P3H2: variants seen among roughly 807,000 people sequenced by gnomAD.
P3H2 encodes the protein prolyl 3-hydroxylase 2, also known as leprecan-like 1.
In P3H2, 80 loss-of-function variants were observed where a neutral mutation model predicts 87.0. The ratio of observed to expected loss-of-function variants is 0.92; its 90% CI spans 0.77 to 1.11. The LOEUF (loss-of-function observed/expected upper bound fraction) is 1.11, where lower values mean the gene tolerates loss of function less well. Ranked by LOEUF, P3H2 falls within the 50% of genes least tolerant of loss-of-function variation. P3H2 has a pLI of 0.00. For synonymous variants in P3H2, 367 were observed against 359.3 expected, an observed-to-expected ratio of 1.02 and a Z score of -0.24; for missense variants, 1,001 against 923.9, an observed-to-expected ratio of 1.08 and a Z score of -1.08.
intron 1 of P3H2, among the ~76,000 whole-genome samples, chr3:190,088,892 C>T (rs542050808): frequency 1.3e-5 from 2 of 152,256 alleles, no homozygotes; most frequent in South Asian, 2.1e-4. Flanking sequence ...TGGAATATAG[C>T]GTGTTCGACC....
intron 1 of P3H2, among the ~76,000 whole-genome samples, chr3:190,045,954 T>C (rs1451679766): frequency 6.6e-6 from 1 of 151,866 alleles, no homozygotes; most frequent in African/African-American, 2.4e-5. Context: ...ACCCCGTCTC[T>C]AAAAATAAAA....
At chr3:189,978,407 T>G (rs1419903450) in intron 8 of P3H2, among the ~76,000 whole-genome samples, 5 of 152,200 alleles carry the variant, frequency 3.3e-5, no homozygotes, top group Non-Finnish European at 7.3e-5. Flanking sequence ...CTGTGTTAAG[T>G]TCTGATTGAG....
chr3:190,087,645 AT>A (rs1727273306), intron 1 of P3H2, among the ~76,000 whole-genome samples: 1 of 151,948 alleles, frequency 6.6e-6, no homozygotes, highest in South Asian at 2.1e-4. Context: ...GGAAGTCAGT[AT>A]TTGAATACGA....
chr3:190,099,703 T>C (rs370927109), intron 1 of P3H2, among the ~76,000 whole-genome samples: 3 of 152,368 alleles, frequency 2.0e-5, no homozygotes, highest in African/African-American at 7.2e-5. Context: ...GCTTTATTCA[T>C]AGAAAAAAGA....
intron 1 of P3H2, among the ~76,000 whole-genome samples, chr3:190,104,696 C>T (rs185628186): frequency 1.3e-3 from 197 of 152,122 alleles, no homozygotes; most frequent in Non-Finnish European, 2.5e-3. Flanking sequence ...ATTCCTAGCA[C>T]GGATGTCCTG....
intron 1 of P3H2, among the ~76,000 whole-genome samples, chr3:190,016,265 T>C (rs890432513): frequency 6.6e-6 from 1 of 152,188 alleles, no homozygotes; most frequent in Non-Finnish European, 1.5e-5. Context: ...ATTTTTGAGA[T>C]GGAGTTTCAC....
intron 1 of P3H2, among the ~76,000 whole-genome samples, chr3:190,063,341 C>G (rs1444050292): frequency 1.3e-5 from 2 of 152,106 alleles, no homozygotes; most frequent in African/African-American, 4.8e-5. Context: ...TGTCAGCATT[C>G]CACAGGCAAA....
intron 1 of P3H2, among the ~76,000 whole-genome samples, chr3:190,017,810 G>T (rs1289742589): frequency 1.3e-5 from 2 of 152,128 alleles, no homozygotes; most frequent in East Asian, 3.9e-4. Flanking sequence ...CTGACTTTTT[G>T]ATTAAAGCCA....
intron 1 of P3H2, among the ~76,000 whole-genome samples, chr3:190,037,070 T>C (rs1725448425): frequency 6.6e-6 from 1 of 152,118 alleles, no homozygotes; most frequent in African/African-American, 2.4e-5. Context: ...TCTGCAAATA[T>C]TTTATAGTTT....
intron 1 of P3H2, among the ~76,000 whole-genome samples, chr3:190,027,237 C>T (rs773263121): frequency 3.9e-5 from 6 of 152,198 alleles, no homozygotes; most frequent in Admixed American, 6.5e-5. Flanking sequence ...ACTAAATCTC[C>T]GCCACTTAGC....
intron 7 of P3H2, chr3:189,983,362 C>G: frequency 1.8e-6 from 1 of 552,656 alleles, no homozygotes; most frequent in Middle Eastern, 4.9e-4. Flanking sequence ...TCTTAGCAAC[C>G]TTTATTACAA....
At chr3:189,977,661 C>A (rs545705996) in intron 8 of P3H2, among the ~76,000 whole-genome samples, 4 of 152,210 alleles carry the variant, frequency 2.6e-5, no homozygotes, top group African/African-American at 7.2e-5. Context: ...GCAGTGGCAC[C>A]ACCATCATGG....
intron 8 of P3H2, among the ~76,000 whole-genome samples, chr3:189,979,188 C>T (rs1723447741): frequency 6.6e-6 from 1 of 152,080 alleles, no homozygotes; most frequent in Non-Finnish European, 1.5e-5. Flanking sequence ...CTTTGGGAGG[C>T]TGAGGCGAGC....
intron 1 of P3H2, among the ~76,000 whole-genome samples, chr3:190,087,459 G>A (rs1041099853): frequency 3.3e-5 from 5 of 150,868 alleles, no homozygotes; most frequent in Admixed American, 2.0e-4. Context: ...CAGGAGAATG[G>A]CGTGAACCTG....
chr3:189,962,450 T>C lies in P3H2; in HGVS notation c.2034+1508A>G, dbSNP rs981824801. ...TAGGCCTCCAAAAGTGCAGGGATTA[T>C]AGGCGTGAGCCACCACGCCCAGCCA... On this transcript the variant is annotated intron_variant, in intron 14 of 14. Coordinates refer to ENST00000319332, the MANE Select transcript of P3H2 (RefSeq NM_018192.4). 3.9e-5 allele frequency among the ~76,000 whole-genome samples: 6 copies of C among 152,180 alleles called. No homozygotes were observed. In the East Asian group the frequency reaches 1.2e-3, roughly 29 times the overall value.
At chr3:190,077,808 A>G (rs192705435) in intron 1 of P3H2, among the ~76,000 whole-genome samples, 19 of 152,256 alleles carry the variant, frequency 1.2e-4, no homozygotes, top group Non-Finnish European at 1.8e-4. Flanking sequence ...AAAAGTCACT[A>G]CTCACTTAAG....
At position 190,016,792 on chromosome 3, in the gene P3H2, G is replaced by A. The variant is rs1472522401; in HGVS notation, c.481-21350C>T. Among the ~76,000 whole-genome samples the A allele has an allele frequency of 3.3e-5, 5 of 152,070 alleles. No homozygotes were observed. In the East Asian group the frequency reaches 7.7e-4, roughly 23 times the overall value. On this transcript the variant is annotated intron_variant, in intron 1 of 14. Transcript: ENST00000319332. ...TGCAGAGTTCTGTCAATTGTCCCATGACCCCCTTCTTGCACGCATTCAGCA... is the reference window on the plus strand; with the variant it reads ...TGCAGAGTTCTGTCAATTGTCCCATAACCCCCTTCTTGCACGCATTCAGCA...
intron 13 of P3H2, chr3:189,969,488 T>C: frequency 1.0e-6 from 1 of 962,744 alleles, no homozygotes; most frequent in South Asian, 1.3e-5. Context: ...ACTTCCATCA[T>C]AGAGGGACTG....
At chr3:190,096,867 T>A (rs1033739083) in intron 1 of P3H2, among the ~76,000 whole-genome samples, 1 of 152,192 alleles carries the variant, frequency 6.6e-6, no homozygotes, top group African/African-American at 2.4e-5. Flanking sequence ...AAAGACATCT[T>A]TTTATGAAAA....
Sources: allele counts gnomAD v4.1 joint callset (sites outside exome capture counted in the v4.1 genomes callset), GRCh38; gene constraint gnomAD v4.1.1; transcripts MANE v1.5; gene names NCBI Gene and HGNC (gene_info 2026-07-23, HGNC 2026-07-21).